PPL: variants seen among roughly 807,000 people sequenced by gnomAD.
PPL encodes the protein periplakin, also known as 190 kDa paraneoplastic pemphigus antigen.
In PPL, 198 loss-of-function variants were observed where a neutral mutation model predicts 194.4. The observed-to-expected ratio is 1.02, with a 90% CI of 0.91 to 1.15. PPL has a LOEUF of 1.15. PPL is among the 50% of genes most tolerant of loss of function. PPL has a pLI of 0.00. For synonymous variants in PPL, 1,220 were observed against 972.4 expected, an observed-to-expected ratio of 1.25 and a Z score of -4.74; for missense variants, 2,885 against 2,294.8, an observed-to-expected ratio of 1.26 and a Z score of -5.25.
At position 4,891,860 on chromosome 16, in the gene PPL, G is replaced by A. The variant is rs1387674509; in HGVS notation, c.1919C>T (p.Thr640Ile). The change falls in exon 16 of 22, where the codon ACA (threonine) becomes ATA (isoleucine). Residue 640 changes from threonine (T) to isoleucine (I), a missense_variant. Physicochemically the swap from Thr to Ile is moderately conservative, Grantham distance 89. Transcript: ENST00000345988. ...CAGGACACGGCTGCTCTCAGGCACT[G>A]TGTCATCCTGATTCAGATGGTTCTC... ...THENHLNQDD[T>I]VPESSRVLDS... 6.2e-7 allele frequency: 1 copy of A among 1,613,518 alleles called. No homozygotes were observed. The highest frequency in any genetic ancestry group is 8.5e-7 in the Non-Finnish European group (1 of 1,180,008).
chr16:4,925,710 C>T (rs571735058), intron 1 of PPL, among the ~76,000 whole-genome samples: 1 of 152,278 alleles, frequency 6.6e-6, no homozygotes, highest in East Asian at 1.9e-4. Context: ...AGTTAAGAAA[C>T]TGGTCCGAGT....
intron 12 of PPL, 74 bp downstream of exon 12, chr16:4,894,393 G>A (rs561153157): frequency 1.3e-6 from 2 of 1,559,930 alleles, no homozygotes; most frequent in Admixed American, 3.6e-5. Context: ...CCAAATCCCC[G>A]GGGCTATGAA....
Position 4,898,960 on chromosome 16 carries a change from C to T in PPL, c.876+53G>A, listed in dbSNP as rs1015394152. The T allele has an allele frequency of 3.6e-5, 54 of 1,501,628 alleles. No homozygotes were observed. In the African/African-American group the frequency reaches 4.7e-4, roughly 13 times the overall value. The allele number at this position is 1,501,628 out of a possible 1,614,324, so 93.0% of individuals were successfully genotyped here. A position where few individuals can be genotyped will look rare whatever the true frequency, so the allele number is the denominator to read the frequency against. ...CGAGCTCCAGGCGGCCCACAGGCAG[C>T]GGCCAACCAGAAGCCACCCTGGGGG... On this transcript the variant is annotated intron_variant, in intron 8 of 21. Coordinates refer to ENST00000345988, the MANE Select transcript of PPL (RefSeq NM_002705.5).
At chr16:4,901,545 C>T (rs2088570940) in intron 4 of PPL, among the ~76,000 whole-genome samples, 2 of 151,858 alleles carry the variant, frequency 1.3e-5, no homozygotes, top group African/African-American at 4.8e-5. Flanking sequence ...AAAAATTAGC[C>T]AGGTGTGGTG....
At chr16:4,926,008 G>A (rs1212349526) in intron 1 of PPL, among the ~76,000 whole-genome samples, 1 of 152,168 alleles carries the variant, frequency 6.6e-6, no homozygotes, top group African/African-American at 2.4e-5. Context: ...CTCCTAAGTT[G>A]TCCCCACAAG....
intron 1 of PPL, among the ~76,000 whole-genome samples, chr16:4,922,941 G>T (rs2089080648): frequency 6.6e-6 from 1 of 152,134 alleles, no homozygotes; most frequent in East Asian, 1.9e-4. Context: ...TGAGGTGTCG[G>T]GAGGACAGGA....
chr16:4,912,232 G>A (rs1463855753), intron 1 of PPL, among the ~76,000 whole-genome samples: 1 of 152,176 alleles, frequency 6.6e-6, no homozygotes, highest in African/African-American at 2.4e-5. Flanking sequence ...CCAGCCCCTG[G>A]CAACCAGGAA....
chr16:4,902,620 G>C lies in PPL; in HGVS notation c.318-94C>G, dbSNP rs1419566416. ...ACCCAGACCCCGGCCTCAGTGTCCT[G>C]GAAGGACACAGTGACCATATGGCCT... On this transcript the variant is annotated intron_variant, in intron 3 of 21. Transcript: ENST00000345988. This position sits in a 1 kb window ranked among gnomAD's most constrained non-coding sequence, Gnocchi z 4.0. The C allele has an allele frequency of 3.5e-6, 5 of 1,425,932 alleles. No individual in the cohort carries two copies. The highest frequency in any genetic ancestry group is 4.0e-5 in the Admixed American group (2 of 49,446). 88.3% of individuals were successfully genotyped at this position (1,425,932 alleles called of 1,614,324 possible). A position where few individuals can be genotyped will look rare whatever the true frequency, so the allele number is the denominator to read the frequency against.
chr16:4,886,951 T>G (rs1891367156), intron 21 of PPL, among the ~76,000 whole-genome samples, 184 bp downstream of exon 21: 1 of 152,280 alleles, frequency 6.6e-6, no homozygotes, highest in Non-Finnish European at 1.5e-5. Flanking sequence ...AGATGTTTAC[T>G]GAGTTGAATA....
intron 1 of PPL, among the ~76,000 whole-genome samples, chr16:4,926,661 G>A (rs1224464863): frequency 6.6e-6 from 1 of 152,080 alleles, no homozygotes; most frequent in Non-Finnish European, 1.5e-5. Context: ...AGATCACGAG[G>A]TCAGGAGATT....
intron 1 of PPL, among the ~76,000 whole-genome samples, chr16:4,926,137 T>C (rs1034914969): frequency 6.6e-6 from 1 of 152,102 alleles, no homozygotes; most frequent in African/African-American, 2.4e-5. Flanking sequence ...CTCTGATCCT[T>C]ATAACAACTA....
chr16:4,914,706 A>C (rs1287857060), intron 1 of PPL, among the ~76,000 whole-genome samples: 1 of 152,222 alleles, frequency 6.6e-6, no homozygotes, highest in African/African-American at 2.4e-5. Flanking sequence ...CAGCAAAGGC[A>C]CTGACAAGTC....
intron 1 of PPL, among the ~76,000 whole-genome samples, chr16:4,936,502 C>T (rs2089300321): frequency 6.6e-6 from 1 of 152,214 alleles, no homozygotes; most frequent in South Asian, 2.1e-4. Context: ...GGAGAGCGCC[C>T]CCCGACGCCA....
intron 6 of PPL, 100 bp downstream of exon 6, chr16:4,900,730 G>A: frequency 1.3e-6 from 2 of 1,523,454 alleles, no homozygotes; most frequent in South Asian, 2.3e-5. Context: ...ATGCCCAGCT[G>A]CCTATGTCAT....
chr16:4,911,424 A>C (rs2088818271), intron 1 of PPL, among the ~76,000 whole-genome samples: 1 of 151,976 alleles, frequency 6.6e-6, no homozygotes, highest in African/African-American at 2.4e-5. Context: ...GGCCTCCCAA[A>C]GTGCTGGGAT....
At chr16:4,933,701 G>T (rs2089254145) in intron 1 of PPL, among the ~76,000 whole-genome samples, 1 of 152,140 alleles carries the variant, frequency 6.6e-6, no homozygotes, top group African/African-American at 2.4e-5. Context: ...TACATGTACT[G>T]AAGCTTAACT....
In PPL at chr16:4,884,936, G is replaced by C; in HGVS notation, c.3719C>G (p.Thr1240Ser). ...AAGCTCCTTCTCCATCTCAGGGTCA[G>C]TCTTGTACTTAATGACTTCCTTAGT... Reference protein sequence around the residue: ...EVTKEVIKYKTDPEMEKELQR... With the variant: ...EVTKEVIKYKSDPEMEKELQR... The change falls in exon 22 of 22, where the codon ACT becomes AGT. Residue 1240 changes from threonine (T) to serine (S), a missense_variant. Physicochemically the swap from Thr to Ser is moderately conservative, Grantham distance 58. Transcript: ENST00000345988. This position sits in a 1 kb window ranked among gnomAD's most constrained non-coding sequence, Gnocchi z 5.7. 1.2e-6 allele frequency: 2 copies of C among 1,614,122 alleles called. No individual in the cohort carries two copies. Among genetic ancestry groups the C allele is most frequent in the African/African-American group, 2.7e-5 (2 of 75,020 alleles).
chr16:4,901,637 C>T (rs1371407879), intron 4 of PPL, among the ~76,000 whole-genome samples: 1 of 150,960 alleles, frequency 6.6e-6, no homozygotes, highest in African/African-American at 2.4e-5. Context: ...TGCAGTGAGC[C>T]GTGATCATGC....
At chr16:4,922,888 C>T (rs1425958327) in intron 1 of PPL, among the ~76,000 whole-genome samples, 2 of 152,190 alleles carry the variant, frequency 1.3e-5, no homozygotes, top group Non-Finnish European at 2.9e-5. Context: ...GAACCATCTC[C>T]TCCAACATCT....
Sources: gnomAD v4.1 joint callset for allele counts (sites outside exome capture counted in the v4.1 genomes callset) on GRCh38, gnomAD v4.1.1 for gene constraint, Gnocchi (gnomAD v3.1) non-coding constraint, MANE v1.5 for transcripts, NCBI Gene and HGNC (gene_info 2026-07-23, HGNC 2026-07-21) for gene names.